CNTNAP2: variants seen among roughly 807,000 people sequenced by gnomAD.
CNTNAP2 encodes contactin associated protein 2, also known as contactin-associated protein-like 2.
Under a neutral mutation model 155.2 loss-of-function variants are expected in CNTNAP2, and 98 were observed. The observed-to-expected ratio is 0.63, with a 90% CI of 0.54 to 0.75. CNTNAP2 has a LOEUF of 0.75. Among genes scored for constraint, CNTNAP2 ranks in the 30% least tolerant of loss-of-function variants. The pLI is 0.00. For synonymous variants in CNTNAP2, 651 were observed against 631.2 expected, an observed-to-expected ratio of 1.03 and a Z score of -0.47; for missense variants, 1,727 against 1,688.1, an observed-to-expected ratio of 1.02 and a Z score of -0.40.
intron 1 of CNTNAP2, among the ~76,000 whole-genome samples, chr7:146,569,984 G>T (rs758919592): frequency 2.0e-5 from 3 of 152,138 alleles, no homozygotes; most frequent in African/African-American, 7.2e-5. Context: ...CAGGGGCTAC[G>T]TGTATATATC....
intron 11 of CNTNAP2, among the ~76,000 whole-genome samples, chr7:147,517,556 A>C (rs751480912): frequency 3.9e-5 from 6 of 152,232 alleles, no homozygotes; most frequent in Non-Finnish European, 8.8e-5. Flanking sequence ...ATAAGTATAT[A>C]GCACTGGAGT....
intron 1 of CNTNAP2, among the ~76,000 whole-genome samples, chr7:146,308,401 A>G (rs975324398): frequency 2.0e-5 from 3 of 152,204 alleles, no homozygotes; most frequent in Non-Finnish European, 4.4e-5. Context: ...TAGTTCAACC[A>G]TTGTGGAAGA....
chr7:146,935,063 T>C (rs772114255), intron 3 of CNTNAP2, among the ~76,000 whole-genome samples: 7 of 152,332 alleles, frequency 4.6e-5, no homozygotes, highest in Non-Finnish European at 8.8e-5. Flanking sequence ...ATTTCACAAT[T>C]GAGAGGCGTC....
At chr7:146,357,020 A>C (rs1404864949) in intron 1 of CNTNAP2, among the ~76,000 whole-genome samples, 2 of 152,200 alleles carry the variant, frequency 1.3e-5, no homozygotes, top group East Asian at 3.8e-4. Context: ...CCAACGTGCA[A>C]TGACTGAAGT....
intron 1 of CNTNAP2, among the ~76,000 whole-genome samples, chr7:146,541,627 C>T (rs866088244): frequency 5.3e-5 from 8 of 151,820 alleles, no homozygotes; most frequent in African/African-American, 1.9e-4. Flanking sequence ...AAATGTCAGA[C>T]CTTTAAGAGT....
At chr7:147,267,694 T>C (rs1804645594) in intron 8 of CNTNAP2, among the ~76,000 whole-genome samples, 1 of 152,198 alleles carries the variant, frequency 6.6e-6, no homozygotes, top group Non-Finnish European at 1.5e-5. Context: ...CACTTGTTTG[T>C]TGAATAAATA....
intron 1 of CNTNAP2, among the ~76,000 whole-genome samples, chr7:146,720,842 A>G (rs1801274488): frequency 6.8e-6 from 1 of 148,082 alleles, no homozygotes. Context: ...TTATTTAGAG[A>G]AAGAGCTAGA....
At chr7:147,318,312 C>T (rs1050369007) in intron 9 of CNTNAP2, among the ~76,000 whole-genome samples, 28 of 151,966 alleles carry the variant, frequency 1.8e-4, no homozygotes, top group African/African-American at 2.9e-4. Context: ...CATGGGTACG[C>T]GCACCTGAAG....
chr7:148,253,389 A>G (rs1191947376), intron 20 of CNTNAP2, among the ~76,000 whole-genome samples: 1 of 152,184 alleles, frequency 6.6e-6, no homozygotes, highest in Non-Finnish European at 1.5e-5. Flanking sequence ...TCCATATTAC[A>G]TATTTTAGAA....
chr7:146,369,353 G>A (rs893405811), intron 1 of CNTNAP2, among the ~76,000 whole-genome samples: 4 of 151,986 alleles, frequency 2.6e-5, no homozygotes, highest in African/African-American at 4.8e-5. Flanking sequence ...TTGATGTTTC[G>A]TACAATAATT....
intron 3 of CNTNAP2, among the ~76,000 whole-genome samples, chr7:147,012,832 C>T (rs1798652490): frequency 6.6e-6 from 1 of 152,036 alleles, no homozygotes; most frequent in South Asian, 2.1e-4. Context: ...CCCAATCCTG[C>T]CCAAAACTAT....
At chr7:147,599,678 C>T (rs147203752) in intron 12 of CNTNAP2, among the ~76,000 whole-genome samples, 12 of 152,174 alleles carry the variant, frequency 7.9e-5, no homozygotes, top group African/African-American at 2.9e-4. Context: ...AGTTCTTTGG[C>T]ATGTCACTGC....
chr7:147,655,366 G>A lies in CNTNAP2; in HGVS notation c.2098+16060G>A, dbSNP rs149237760. Among the ~76,000 whole-genome samples the A allele has an allele frequency of 4.5e-3, 684 of 150,922 alleles. 9 individuals are homozygous for A. Among genetic ancestry groups the A allele is most frequent in the African/African-American group, 0.015 (614 of 41,072 alleles). ...TCGAACTCCTGACCTCAGGTGATCC[G>A]CCCATCTTGGCCTCCCAAAGTGCTG... On this transcript the variant is annotated intron_variant, in intron 13 of 23. Transcript: ENST00000361727.
intron 3 of CNTNAP2, among the ~76,000 whole-genome samples, chr7:146,940,493 C>A (rs1326785260): frequency 6.6e-6 from 1 of 151,860 alleles, no homozygotes; most frequent in Non-Finnish European, 1.5e-5. Context: ...GCACCCAGCC[C>A]CTTATTTTTT....
intron 1 of CNTNAP2, among the ~76,000 whole-genome samples, chr7:146,371,462 G>C (rs1023857972): frequency 7.1e-6 from 1 of 140,230 alleles, no homozygotes; most frequent in African/African-American, 2.7e-5. Flanking sequence ...TCCGCCTCCC[G>C]GGTTCATGCC....
intron 13 of CNTNAP2, among the ~76,000 whole-genome samples, chr7:147,840,588 C>G (rs1281167043): frequency 6.6e-6 from 1 of 152,096 alleles, no homozygotes. Flanking sequence ...AGCACTTATG[C>G]AGAATCAAAG....
chr7:147,507,346 T>C (rs755460629), intron 11 of CNTNAP2, among the ~76,000 whole-genome samples: 1 of 152,140 alleles, frequency 6.6e-6, no homozygotes, highest in Non-Finnish European at 1.5e-5. Context: ...ACATTTCTTA[T>C]GGACTCAGCT....
chr7:147,044,550 C>A (rs1265705041), intron 4 of CNTNAP2, among the ~76,000 whole-genome samples: 1 of 152,138 alleles, frequency 6.6e-6, no homozygotes, highest in Non-Finnish European at 1.5e-5. Flanking sequence ...ATGACGCTTT[C>A]TCTACCAAAT....
intron 12 of CNTNAP2, among the ~76,000 whole-genome samples, chr7:147,605,915 C>G (rs35757020): frequency 0.017 from 2,572 of 151,136 alleles, 30 homozygotes; most frequent in African/African-American, 0.026. Context: ...TTCTCTCTCT[C>G]TGTGTGTGTG....
Sources: allele counts gnomAD v4.1 joint callset (sites outside exome capture counted in the v4.1 genomes callset), GRCh38; gene constraint gnomAD v4.1.1; transcripts MANE v1.5; gene names NCBI Gene and HGNC (gene_info 2026-07-23, HGNC 2026-07-21).